The following PPM1G variants were observed in gnomAD, a reference collection of about 807,000 sequenced individuals.
PPM1G encodes protein phosphatase, Mg2+/Mn2+ dependent 1G.
In PPM1G, 12 loss-of-function variants were observed where a neutral mutation model predicts 59.4. The ratio of observed to expected loss-of-function variants is 0.20; its 90% CI spans 0.13 to 0.33. The LOEUF (loss-of-function observed/expected upper bound fraction) is 0.33. PPM1G is among the 10% of genes least tolerant of loss of function. The pLI is 1.00. For synonymous variants in PPM1G, 245 were observed against 251.9 expected, an observed-to-expected ratio of 0.97 and a Z score of 0.26; for missense variants, 392 against 681.3, an observed-to-expected ratio of 0.58 and a Z score of 4.73.
intron 9 of PPM1G, 136 bp from the exon 10 acceptor site, chr2:27,381,941 C>A (rs989551274): frequency 2.0e-6 from 2 of 1,008,038 alleles, no homozygotes; most frequent in African/African-American, 1.6e-5. Context: ...CAACGGCCCA[C>A]CTGCTAGTCC....
At chr2:27,397,051 T>C (rs896780688) in intron 1 of PPM1G, among the ~76,000 whole-genome samples, 1 of 151,980 alleles carries the variant, frequency 6.6e-6, no homozygotes, top group Non-Finnish European at 1.5e-5. Context: ...GTATTTTTAG[T>C]AGAGATGGGG....
intron 1 of PPM1G, among the ~76,000 whole-genome samples, chr2:27,408,716 GAA>G (rs1018563403): frequency 6.6e-6 from 1 of 152,136 alleles, no homozygotes; most frequent in African/African-American, 2.4e-5. Context: ...AAAAGGCCCT[GAA>G]AAGAGTGCAA....
Position 27,382,179 on chromosome 2 carries a change from T to C in PPM1G, c.1381A>G (p.Ser461Gly). The change falls in exon 9 of 10, where the codon AGC (serine) becomes GGC (glycine). Residue 461 changes from serine to glycine, a missense_variant. Transcript: ENST00000344034. This position sits in a 1 kb window ranked among gnomAD's most constrained non-coding sequence, Gnocchi z 4.2. ...EVVDFIQSKISQRDENGELRL... is the reference protein window; with the variant it reads ...EVVDFIQSKIGQRDENGELRL... The stretch of plus-strand genomic sequence containing the variant: ...AGCTCCCCATTTTCATCACGCTGGC[T>C]GATCTTTGATTGAATGAAATCTACA... 2.5e-6 allele frequency: 4 copies of C among 1,614,246 alleles called. No homozygotes were observed. Among genetic ancestry groups the C allele is most frequent in the South Asian group, 1.1e-5 (1 of 91,090 alleles).
At chr2:27,387,266 GC>G in intron 1 of PPM1G, 108 bp from the exon 2 acceptor site, 1 of 785,374 alleles carries the variant, frequency 1.3e-6, no homozygotes, top group East Asian at 2.7e-5. Context: ...GGCCTATATG[GC>G]CTAGAAATAA....
In PPM1G at chr2:27,382,798, C is replaced by T. The variant is rs569180004; in HGVS notation, c.1202-193G>A. ...AGACTGCTGAACCTTAAGAAAGTCA[C>T]TCACTGGTCTTTTTATTTTAAGTCT... On this transcript the variant is annotated intron_variant, in intron 7 of 9. Transcript: ENST00000344034. The surrounding 1 kb of genome is among the most constrained non-coding windows in gnomAD (Gnocchi z 4.2). Among the ~76,000 whole-genome samples, 11 of 151,570 alleles carry T rather than the reference C, an allele frequency of 7.3e-5. No individual in the cohort carries two copies. In the South Asian group the frequency reaches 2.3e-3, roughly 32 times the overall value.
At chr2:27,388,945 G>A (rs1683832124) in intron 1 of PPM1G, among the ~76,000 whole-genome samples, 1 of 147,422 alleles carries the variant, frequency 6.8e-6, no homozygotes, top group African/African-American at 2.5e-5. Flanking sequence ...CAACCACAGA[G>A]GGTGAGATTT....
intron 1 of PPM1G, among the ~76,000 whole-genome samples, chr2:27,394,414 T>C (rs1683993079): frequency 6.6e-6 from 1 of 152,128 alleles, no homozygotes; most frequent in African/African-American, 2.4e-5. Flanking sequence ...ATAGGCTAAA[T>C]CATTTCTGAT....
At chr2:27,389,691 G>C (rs1683850488) in intron 1 of PPM1G, among the ~76,000 whole-genome samples, 1 of 152,182 alleles carries the variant, frequency 6.6e-6, no homozygotes, top group Non-Finnish European at 1.5e-5. Context: ...TTGGCTAGGT[G>C]CGATGGCTCA....
intron 1 of PPM1G, among the ~76,000 whole-genome samples, chr2:27,404,433 C>A (rs1486909610): frequency 6.6e-6 from 1 of 151,710 alleles, no homozygotes; most frequent in East Asian, 1.9e-4. Context: ...TCCTGTAATC[C>A]CAGCTATTTG....
intron 1 of PPM1G, among the ~76,000 whole-genome samples, chr2:27,396,144 C>A (rs948340391): frequency 6.6e-6 from 1 of 152,094 alleles, no homozygotes; most frequent in Non-Finnish European, 1.5e-5. Context: ...TTGTGGCGAG[C>A]ACCTGTAATC....
intron 1 of PPM1G, among the ~76,000 whole-genome samples, chr2:27,397,045 T>A (rs1684068142): frequency 6.6e-6 from 1 of 151,974 alleles, no homozygotes; most frequent in Non-Finnish European, 1.5e-5. Context: ...AATTTTGTAT[T>A]TTTAGTAGAG....
chr2:27,393,114 T>C (rs908355864), intron 1 of PPM1G: 4 of 1,314,894 alleles, frequency 3.0e-6, no homozygotes, highest in South Asian at 1.2e-5. Flanking sequence ...TTTCTTGATA[T>C]CCTGAAGGAA....
At position 27,387,168 on chromosome 2, in the gene PPM1G, G is replaced by C; in HGVS notation, c.121-10C>G. 6 of 1,607,024 alleles carry C rather than the reference G, an allele frequency of 3.7e-6. No individual in the cohort carries two copies. The highest frequency in any genetic ancestry group is 5.1e-6 in the Non-Finnish European group (6 of 1,173,536). ...TACAGTTGTGAGCATCCTAGGAAAA[G>C]AAGAGCATAATCGGCATGTCTCAAG... On this transcript the variant is annotated splice_polypyrimidine_tract_variant and intron_variant, in intron 1 of 9. Transcript: ENST00000344034.
At position 27,383,732 on chromosome 2, in the gene PPM1G, C is replaced by A. The variant is rs1683696399; in HGVS notation, c.967-132G>T. 18 of 1,145,552 alleles carry A rather than the reference C, an allele frequency of 1.6e-5. No individual in the cohort carries two copies. The South Asian group carries it at 2.8e-4, about 18-fold the overall frequency. The allele number at this position is 1,145,552 out of a possible 1,614,324, so 71.0% of individuals were successfully genotyped here. ...AGCTTTAACAAACAGGAGAAGCACA[C>A]ATTTCATCTTTCTAGAGACAGCAGC... On this transcript the variant is annotated intron_variant, in intron 6 of 9. Coordinates refer to ENST00000344034, the MANE Select transcript of PPM1G (RefSeq NM_177983.3). The surrounding 1 kb of genome is among the most constrained non-coding windows in gnomAD (Gnocchi z 5.0).
chr2:27,391,208 AGATTGCTG>A (rs1683892215), intron 1 of PPM1G, among the ~76,000 whole-genome samples: 1 of 152,216 alleles, frequency 6.6e-6, no homozygotes, highest in South Asian at 2.1e-4. Flanking sequence ...TCCAGCCATC[AGATTGCTG>A]GGTCTAATGG....
rs771980529 is a variant in PPM1G at position 27,396,819 on chromosome 2, C to CAAA, written c.121-9664_121-9662dup. Among the ~76,000 whole-genome samples the CAAA allele has an allele frequency of 5.4e-3, 672 of 125,368 alleles. 23 individuals carry two copies. Among genetic ancestry groups the CAAA allele is most frequent in the African/African-American group, 0.02 (633 of 31,848 alleles). The allele number at this position is 125,368 out of a possible 152,430, so 82.2% of individuals were successfully genotyped here. Reference sequence around the variant, plus strand: ...TGACAGAGCAAGACTCCGTCTCCAACAAAAAAAAAAAAAGAAAAGAAATGA... The same window carrying CAAA: ...TGACAGAGCAAGACTCCGTCTCCAACAAAAAAAAAAAAAAAAGAAAAGAAATGA... On this transcript the variant is annotated intron_variant, in intron 1 of 9. Transcript: ENST00000344034.
chr2:27,409,590 G>A lies in PPM1G; in HGVS notation c.-168C>T, dbSNP rs1035550894. 15 of 862,056 alleles carry A rather than the reference G, an allele frequency of 1.7e-5. No homozygotes were observed. The highest frequency in any genetic ancestry group is 2.4e-5 in the Non-Finnish European group (15 of 636,476). 53.4% of individuals were successfully genotyped at this position (862,056 alleles called of 1,614,324 possible). Reference sequence around the variant, plus strand: ...AGGAGGCGGTAACGGGACGGGAGCTGTGAGGGAGCGGAAGCGGAAACGGCG... The same window carrying A: ...AGGAGGCGGTAACGGGACGGGAGCTATGAGGGAGCGGAAGCGGAAACGGCG... On this transcript the variant is annotated 5_prime_UTR_variant, in exon 1 of 10. Coordinates refer to ENST00000344034, the MANE Select transcript of PPM1G (RefSeq NM_177983.3).
rs1362051691 is a variant in PPM1G, at chr2:27,387,784, C to A, written c.121-626G>T. Among the ~76,000 whole-genome samples, 6 of 152,008 alleles carry A rather than the reference C, an allele frequency of 3.9e-5. No homozygotes were observed. In the South Asian group the frequency reaches 6.2e-4, roughly 16 times the overall value. On this transcript the variant is annotated intron_variant, in intron 1 of 9. Transcript: ENST00000344034. ...AAAGTGTTGGCCAGGCTGTACACAG[C>A]TTTATTTATTTATTTATTTATTATT...
At chr2:27,407,582 G>C (rs1383194464) in intron 1 of PPM1G, among the ~76,000 whole-genome samples, 1 of 152,042 alleles carries the variant, frequency 6.6e-6, no homozygotes, top group Non-Finnish European at 1.5e-5. Flanking sequence ...ATTTCTAATA[G>C]ACAATTACAT....
Sources: allele counts gnomAD v4.1 joint callset (sites outside exome capture counted in the v4.1 genomes callset), GRCh38; gene constraint gnomAD v4.1.1; non-coding constraint Gnocchi (gnomAD v3.1); transcripts MANE v1.5; gene names NCBI Gene and HGNC (gene_info 2026-07-23, HGNC 2026-07-21).